Variants in PLCXD3 observed in about 807,000 individuals in gnomAD.
PLCXD3 encodes the protein PI-PLC X domain-containing protein 3.
Under a neutral mutation model 25.5 loss-of-function variants are expected in PLCXD3, and 19 were observed. That is an observed-to-expected ratio of 0.75 (90% CI 0.52 to 1.09). The LOEUF is 1.09. PLCXD3 is among the 50% of genes least tolerant of loss of function. The pLI is 0.00. For synonymous variants in PLCXD3, 174 were observed against 137.6 expected (o/e 1.26, Z -1.85); for missense variants, 411 against 388.1 (o/e 1.06, Z -0.50).
Position 41,313,241 on chromosome 5 carries a change from AAG to A in PLCXD3, c.*374_*375del. ...CAGCATCTGATTAAAAAGAGCGAGC[AAG>A]AGAGGGAGCAGAAAGGTTGCAGGGT... is the stretch of plus-strand genomic sequence containing the variant. On this transcript the variant is annotated 3_prime_UTR_variant, in exon 3 of 3. Transcript: ENST00000377801. 1 of 178,824 alleles carries A rather than the reference AAG, an allele frequency of 5.6e-6. No individual in the cohort carries two copies. The highest frequency in any genetic ancestry group is 1.2e-4 in the South Asian group (1 of 8,516). 11.1% of individuals were successfully genotyped at this position (178,824 alleles called of 1,614,324 possible).
At chr5:41,480,395 T>TG (rs1428907211) in intron 1 of PLCXD3, among the ~76,000 whole-genome samples, 1 of 140,760 alleles carries the variant, frequency 7.1e-6, no homozygotes, top group African/African-American at 2.5e-5. Flanking sequence ...ACAAAGTTGT[T>TG]TTTTTTTTTT....
At position 41,311,211 on chromosome 5, in the gene PLCXD3, C is replaced by T. The variant is rs543632614; in HGVS notation, c.*2406G>A. On this transcript the variant is annotated 3_prime_UTR_variant, in exon 3 of 3. Coordinates refer to ENST00000377801, the MANE Select transcript of PLCXD3 (RefSeq NM_001005473.3). Reference sequence around the variant, plus strand: ...AAAGTCTGCCCAAAAACCAAATTTACGGGACATACATTTCAATAATCCTAA... The same window carrying T: ...AAAGTCTGCCCAAAAACCAAATTTATGGGACATACATTTCAATAATCCTAA... 3 of 151,988 alleles carry T rather than the reference C, an allele frequency of 2.0e-5. No individual in the cohort carries two copies. Among genetic ancestry groups the T allele is most frequent in the East Asian group, 3.9e-4 (2 of 5,176 alleles). 9.4% of individuals were successfully genotyped at this position (151,988 alleles called of 1,614,324 possible).
intron 2 of PLCXD3, among the ~76,000 whole-genome samples, chr5:41,326,268 C>T (rs755063008): frequency 3.9e-5 from 6 of 152,296 alleles, no homozygotes; most frequent in Non-Finnish European, 7.4e-5. Flanking sequence ...AGACTTTCCT[C>T]ATCTCTCCTG....
At chr5:41,329,057 C>G (rs1221538750) in intron 2 of PLCXD3, among the ~76,000 whole-genome samples, 1 of 152,138 alleles carries the variant, frequency 6.6e-6, no homozygotes, top group Non-Finnish European at 1.5e-5. Context: ...ATGCTAGCCC[C>G]GTTATCAGTC....
intron 1 of PLCXD3, among the ~76,000 whole-genome samples, chr5:41,437,184 G>A (rs757558040): frequency 1.3e-5 from 2 of 152,110 alleles, no homozygotes; most frequent in African/African-American, 2.4e-5. Flanking sequence ...CTGTCTTTGG[G>A]GAGCTTACAA....
chr5:41,467,095 T>C (rs928824698), intron 1 of PLCXD3, among the ~76,000 whole-genome samples: 1 of 152,172 alleles, frequency 6.6e-6, no homozygotes, highest in African/African-American at 2.4e-5. Flanking sequence ...CTGGATTGTA[T>C]GATAATTGGA....
At chr5:41,395,145 T>C (rs936352328) in intron 1 of PLCXD3, among the ~76,000 whole-genome samples, 1 of 152,152 alleles carries the variant, frequency 6.6e-6, no homozygotes, top group African/African-American at 2.4e-5. Context: ...CACATTGGAA[T>C]AAAACTCAAT....
intron 1 of PLCXD3, among the ~76,000 whole-genome samples, chr5:41,496,140 G>C (rs553106607): frequency 6.6e-6 from 1 of 151,974 alleles, no homozygotes; most frequent in East Asian, 1.9e-4. Flanking sequence ...GCTAACTTGA[G>C]GATAGATCAT....
At chr5:41,463,429 T>C (rs1409911672) in intron 1 of PLCXD3, among the ~76,000 whole-genome samples, 1 of 152,012 alleles carries the variant, frequency 6.6e-6, no homozygotes, top group African/African-American at 2.4e-5. Flanking sequence ...GGTCCCACAC[T>C]CATGACCTAA....
chr5:41,368,808 T>C (rs186487504), intron 2 of PLCXD3, among the ~76,000 whole-genome samples: 1 of 152,348 alleles, frequency 6.6e-6, no homozygotes, highest in East Asian at 1.9e-4. Context: ...GTGCTTTTTG[T>C]CTTTAGTTCT....
At chr5:41,331,991 T>C (rs1743826682) in intron 2 of PLCXD3, among the ~76,000 whole-genome samples, 1 of 152,162 alleles carries the variant, frequency 6.6e-6, no homozygotes, top group Admixed American at 6.5e-5. Flanking sequence ...TTAAAAACCC[T>C]AGAAGAAAAC....
At chr5:41,375,246 C>CG (rs1745255635) in intron 2 of PLCXD3, among the ~76,000 whole-genome samples, 1 of 152,122 alleles carries the variant, frequency 6.6e-6, no homozygotes, top group Non-Finnish European at 1.5e-5. Flanking sequence ...TGGCTTTACC[C>CG]GCTATCCTAT....
chr5:41,352,249 A>T (rs145476619), intron 2 of PLCXD3, among the ~76,000 whole-genome samples: 47 of 152,234 alleles, frequency 3.1e-4, no homozygotes, highest in African/African-American at 1.1e-3. Context: ...GACCCATTAA[A>T]CACTTTGTGC....
Position 41,381,858 on chromosome 5 carries a change from C to T in PLCXD3, c.780G>A (p.Val260=), listed in dbSNP as rs1745471152. 1.9e-6 allele frequency: 3 copies of T among 1,611,084 alleles called. No individual in the cohort carries two copies. Among genetic ancestry groups the T allele is most frequent in the African/African-American group, 1.3e-5 (1 of 74,798 alleles). Residue 260 remains valine (V), a synonymous_variant, in exon 2 of 3, where the codon GTG becomes GTA. Transcript: ENST00000377801. ...TPKASTVVKG[V]ASGLRETITE... ...TGATTGTTTCTCTGAGGCCACTTGC[C>T]ACCCCTTTGACCACAGTGCTAGCTT... is the stretch of plus-strand genomic sequence containing the variant.
chr5:41,491,883 T>C (rs1748705981), intron 1 of PLCXD3, among the ~76,000 whole-genome samples: 1 of 152,188 alleles, frequency 6.6e-6, no homozygotes, highest in African/African-American at 2.4e-5. Context: ...CTTGACTCTT[T>C]ATCGCATTTG....
intron 1 of PLCXD3, among the ~76,000 whole-genome samples, chr5:41,432,036 G>T (rs1747121556): frequency 6.6e-6 from 1 of 152,148 alleles, no homozygotes; most frequent in African/African-American, 2.4e-5. Context: ...AGAAGACCAA[G>T]CAGAGGTGAG....
intron 2 of PLCXD3, among the ~76,000 whole-genome samples, chr5:41,362,313 G>A (rs1253427652): frequency 6.6e-6 from 1 of 152,086 alleles, no homozygotes; most frequent in Non-Finnish European, 1.5e-5. Context: ...TGTGTAGGGG[G>A]TGAAAAAAAG....
chr5:41,378,318 TA>T (rs1375233391), intron 2 of PLCXD3, among the ~76,000 whole-genome samples: 1 of 152,060 alleles, frequency 6.6e-6, no homozygotes. Context: ...TGCAAATGGT[TA>T]AAAAGGAAGT....
intron 1 of PLCXD3, among the ~76,000 whole-genome samples, chr5:41,396,845 G>T (rs1260943900): frequency 6.6e-6 from 1 of 152,206 alleles, no homozygotes; most frequent in Admixed American, 6.5e-5. Context: ...TCCTGCTCTA[G>T]AGATCTGTGG....
Sources: gnomAD v4.1 joint callset for allele counts (sites outside exome capture counted in the v4.1 genomes callset) on GRCh38, gnomAD v4.1.1 for gene constraint, MANE v1.5 for transcripts, NCBI Gene and HGNC (gene_info 2026-07-23, HGNC 2026-07-21) for gene names.